The following ADARB2 variants were observed in gnomAD, a reference collection of about 807,000 sequenced individuals.
The protein encoded by ADARB2 is adenosine deaminase RNA specific B2 (inactive), also known as inactive double-stranded RNA-specific editase B2.
A neutral mutation model predicts 62.2 loss-of-function variants in ADARB2; 25 were observed. The observed-to-expected ratio is 0.40, with a 90% CI of 0.29 to 0.56. The LOEUF (loss-of-function observed/expected upper bound fraction) is 0.56, where lower values mean the gene tolerates loss of function less well. Among genes scored for constraint, ADARB2 ranks in the 20% least tolerant of loss-of-function variants. ADARB2 has a pLI of 0.43. For synonymous variants in ADARB2, 572 were observed against 500.8 expected (o/e 1.14, Z -1.90); for missense variants, 1,071 against 1,077.4 (o/e 0.99, Z 0.08).
rs373266806 is a variant in ADARB2 at position 1,490,705 on chromosome 10, T to C, written c.101-111545A>G. Among the ~76,000 whole-genome samples the C allele has an allele frequency of 3.9e-5, 6 of 152,306 alleles. No homozygotes were observed. The South Asian group carries it at 6.2e-4, about 16-fold the overall frequency. ...CCTGACCTCAAGTGATCTGCTCTCT[T>C]TGGCTTCCCAAAGTGCTGGAATCAC... On this transcript the variant is annotated intron_variant, in intron 1 of 9. Transcript: ENST00000381312.
At chr10:1,329,085 T>C (rs990201215) in intron 3 of ADARB2, among the ~76,000 whole-genome samples, 1 of 150,924 alleles carries the variant, frequency 6.6e-6, no homozygotes, top group Non-Finnish European at 1.5e-5. Flanking sequence ...CACACTGCTC[T>C]GATTAAATAT....
At chr10:1,419,400 G>C (rs1457611633) in intron 1 of ADARB2, among the ~76,000 whole-genome samples, 1 of 152,142 alleles carries the variant, frequency 6.6e-6, no homozygotes, top group Non-Finnish European at 1.5e-5. Context: ...TTTTAGCTTA[G>C]AATTTAATGT....
At chr10:1,257,461 G>A (rs115017730) in intron 4 of ADARB2, among the ~76,000 whole-genome samples, 4,242 of 152,266 alleles carry the variant, frequency 0.028, 204 homozygotes, top group African/African-American at 0.096. Context: ...CCTCTTCAGG[G>A]TCAGCACTCA....
intron 1 of ADARB2, among the ~76,000 whole-genome samples, chr10:1,672,582 G>A (rs7477519): frequency 8.5e-6 from 1 of 118,278 alleles, no homozygotes; most frequent in Non-Finnish European, 1.9e-5. Flanking sequence ...CACGCGCTTC[G>A]CCTTCCTCCC....
chr10:1,719,451 A>G (rs1031110798), intron 1 of ADARB2, among the ~76,000 whole-genome samples: 11 of 152,242 alleles, frequency 7.2e-5, no homozygotes, highest in African/African-American at 2.7e-4. Context: ...TATAGAATAA[A>G]CTAATTTGTT....
At chr10:1,509,088 A>G (rs1010006248) in intron 1 of ADARB2, among the ~76,000 whole-genome samples, 1 of 152,182 alleles carries the variant, frequency 6.6e-6, no homozygotes, top group Non-Finnish European at 1.5e-5. Context: ...AAAAACCTCG[A>G]TAATCGTGCC....
At chr10:1,675,213 C>A (rs1253366379) in intron 1 of ADARB2, 1 of 958,324 alleles carries the variant, frequency 1.0e-6, no homozygotes, top group African/African-American at 2.1e-5. Flanking sequence ...GGTTTGGGTT[C>A]AGGGATGCAT....
At position 1,602,430 on chromosome 10, in the gene ADARB2, G is replaced by C. The variant is rs1009638879; in HGVS notation, c.100+134621C>G. 2.0e-5 allele frequency among the ~76,000 whole-genome samples: 3 copies of C among 152,178 alleles called. No homozygotes were observed. In the South Asian group the frequency reaches 6.2e-4, roughly 31 times the overall value. ...TGGCTCCCGATGACAGGCCTCCCAA[G>C]GAATGGAGGAGGGGAAGCGTGATTT... On this transcript the variant is annotated intron_variant, in intron 1 of 9. Transcript: ENST00000381312.
intron 2 of ADARB2, among the ~76,000 whole-genome samples, chr10:1,372,628 G>T (rs753417915): frequency 3.9e-5 from 6 of 152,296 alleles, no homozygotes; most frequent in Non-Finnish European, 8.8e-5. Flanking sequence ...AGGGATTTGG[G>T]ATCAAGAGGT....
Position 1,736,474 on chromosome 10 carries a change from C to T in ADARB2, c.100+577G>A, listed in dbSNP as rs116572349. ...AAAATATGATGCTTCTTTCTGTTTTCCTGTATTCATTTCTGCTTATTTCTC... is the reference window on the plus strand; with the variant it reads ...AAAATATGATGCTTCTTTCTGTTTTTCTGTATTCATTTCTGCTTATTTCTC... On this transcript the variant is annotated intron_variant, in intron 1 of 9. Coordinates refer to ENST00000381312, the MANE Select transcript of ADARB2 (RefSeq NM_018702.4). 1.4e-3 allele frequency among the ~76,000 whole-genome samples: 217 copies of T among 152,308 alleles called. 2 individuals carry two copies. Among genetic ancestry groups the T allele is most frequent in the African/African-American group, 5.1e-3 (213 of 41,574 alleles).
chr10:1,346,239 C>T (rs1832079809), intron 3 of ADARB2, among the ~76,000 whole-genome samples: 1 of 152,190 alleles, frequency 6.6e-6, no homozygotes, highest in Non-Finnish European at 1.5e-5. Context: ...ACTCCCCATG[C>T]ACCGACAGGG....
intron 1 of ADARB2, among the ~76,000 whole-genome samples, chr10:1,521,252 C>A (rs1832070956): frequency 6.6e-6 from 1 of 152,166 alleles, no homozygotes; most frequent in African/African-American, 2.4e-5. Flanking sequence ...GGGTCCCAGG[C>A]ATCTCGGGTG....
At chr10:1,663,364 T>G (rs971157080) in intron 1 of ADARB2, among the ~76,000 whole-genome samples, 7 of 152,278 alleles carry the variant, frequency 4.6e-5, no homozygotes, top group Admixed American at 2.0e-4. Context: ...CAAGTGCATC[T>G]CCCCGCCGTG....
At chr10:1,647,733 T>C (rs562023313) in intron 1 of ADARB2, among the ~76,000 whole-genome samples, 34 of 152,146 alleles carry the variant, frequency 2.2e-4, no homozygotes, top group African/African-American at 6.7e-4. Flanking sequence ...TGCATGCATA[T>C]GTGTATATAT....
chr10:1,379,744 C>G (rs1229561751), intron 1 of ADARB2, among the ~76,000 whole-genome samples: 1 of 152,176 alleles, frequency 6.6e-6, no homozygotes, highest in Non-Finnish European at 1.5e-5. Context: ...GCGTCCTCAA[C>G]GCGGTGGCTG....
At chr10:1,484,525 G>A (rs1365809520) in intron 1 of ADARB2, among the ~76,000 whole-genome samples, 1 of 152,198 alleles carries the variant, frequency 6.6e-6, no homozygotes, top group Non-Finnish European at 1.5e-5. Context: ...TGGGTGGAAC[G>A]TAAGGAATGG....
chr10:1,220,618 T>G (rs890808771), intron 6 of ADARB2, among the ~76,000 whole-genome samples: 3 of 152,194 alleles, frequency 2.0e-5, no homozygotes, highest in African/African-American at 7.2e-5. Flanking sequence ...CTTTACTCTT[T>G]CATTTGGGGG....
chr10:1,479,461 G>T (rs1169623710), intron 1 of ADARB2, among the ~76,000 whole-genome samples: 3 of 152,184 alleles, frequency 2.0e-5, no homozygotes, highest in African/African-American at 7.2e-5. Context: ...ATGGAGTTTT[G>T]GTAGAGCAGC....
intron 1 of ADARB2, among the ~76,000 whole-genome samples, chr10:1,623,578 G>T (rs979041924): frequency 3.3e-5 from 5 of 152,172 alleles, no homozygotes; most frequent in Non-Finnish European, 5.9e-5. Flanking sequence ...GCCTTCCCAG[G>T]CATGGTCCAC....
Sources: gnomAD v4.1 joint callset for allele counts (sites outside exome capture counted in the v4.1 genomes callset) on GRCh38, gnomAD v4.1.1 for gene constraint, MANE v1.5 for transcripts, NCBI Gene and HGNC (gene_info 2026-07-23, HGNC 2026-07-21) for gene names.